The following ROCK2 variants were observed in gnomAD, a reference collection of about 807,000 sequenced individuals.
The protein encoded by ROCK2 is rho-associated protein kinase 2.
Under a neutral mutation model 195.1 loss-of-function variants are expected in ROCK2, and 61 were observed. The ratio of observed to expected loss-of-function variants is 0.31; its 90% confidence interval spans 0.25 to 0.39. The LOEUF is 0.39. Ranked by LOEUF, ROCK2 falls within the 10% of genes least tolerant of loss-of-function variation. The pLI, the probability that ROCK2 is intolerant of heterozygous loss-of-function variation, is 1.00. For synonymous variants in ROCK2, 504 were observed against 545.5 expected (o/e 0.92, Z 1.06); for missense variants, 1,109 against 1,637.4 (o/e 0.68, Z 5.57).
At chr2:11,336,627 T>C (rs543757926) in intron 1 of ROCK2, among the ~76,000 whole-genome samples, 7 of 152,236 alleles carry the variant, frequency 4.6e-5, no homozygotes, top group African/African-American at 1.2e-4. Flanking sequence ...ACTAAGGTGG[T>C]AGAAAAGCAA....
intron 1 of ROCK2, among the ~76,000 whole-genome samples, chr2:11,332,912 T>C (rs1436977460): frequency 6.6e-6 from 1 of 152,318 alleles, no homozygotes; most frequent in East Asian, 1.9e-4. Context: ...AGAAGCCAGG[T>C]AGAAATCACT....
chr2:11,298,525 G>C (rs915324151), intron 1 of ROCK2, among the ~76,000 whole-genome samples: 2 of 148,158 alleles, frequency 1.3e-5, no homozygotes, highest in African/African-American at 2.5e-5. Flanking sequence ...TTTAAAACCT[G>C]TTTGCCATCA....
At chr2:11,228,910 A>T (rs998876963) in intron 5 of ROCK2, among the ~76,000 whole-genome samples, 1 of 152,072 alleles carries the variant, frequency 6.6e-6, no homozygotes, top group Non-Finnish European at 1.5e-5. Flanking sequence ...GCTAGGGTTT[A>T]AAGGAGAGAG....
chr2:11,232,539 A>C (rs1443121629), intron 5 of ROCK2, among the ~76,000 whole-genome samples: 1 of 152,266 alleles, frequency 6.6e-6, no homozygotes, highest in African/African-American at 2.4e-5. Flanking sequence ...AAAAACTAAT[A>C]GAAAATTATA....
Position 11,197,503 on chromosome 2 carries a change from T to C in ROCK2, c.3279+23A>G. On this transcript the variant is annotated intron_variant, in intron 26 of 32. Transcript: ENST00000315872. This position sits in a 1 kb window ranked among gnomAD's most constrained non-coding sequence, Gnocchi z 4.9. ...ACTTCTTAAAAAGAAGTCTTCAGTC[T>C]AGAGTCCAAAAAGTATTCTTACTGC... is the stretch of plus-strand genomic sequence containing the variant. 6.2e-7 allele frequency: 1 copy of C among 1,605,822 alleles called. No individual in the cohort carries two copies. Among genetic ancestry groups the C allele is most frequent in the East Asian group, 2.2e-5 (1 of 44,794 alleles).
chr2:11,199,048 G>A (rs1663749379), intron 23 of ROCK2, among the ~76,000 whole-genome samples: 1 of 150,696 alleles, frequency 6.6e-6, no homozygotes, highest in Non-Finnish European at 1.5e-5. Flanking sequence ...TTACAGGCAT[G>A]CGCCACCACA....
At chr2:11,341,458 C>T (rs1669103166) in intron 1 of ROCK2, among the ~76,000 whole-genome samples, 1 of 152,148 alleles carries the variant, frequency 6.6e-6, no homozygotes, top group African/African-American at 2.4e-5. Context: ...TGTGATGTAC[C>T]AAGCACTAGG....
chr2:11,215,484 A>T, intron 14 of ROCK2, 26 bp downstream of exon 14: 1 of 1,607,502 alleles, frequency 6.2e-7, no homozygotes. Flanking sequence ...TTTCTTGATG[A>T]GTAATTAATA....
chr2:11,285,512 C>G (rs1008854596), intron 3 of ROCK2, among the ~76,000 whole-genome samples: 1 of 151,926 alleles, frequency 6.6e-6, no homozygotes, highest in African/African-American at 2.4e-5. Flanking sequence ...ATTGCACTAC[C>G]CTGATCTACA....
chr2:11,259,706 C>G (rs1219690621), intron 3 of ROCK2, among the ~76,000 whole-genome samples: 2 of 151,162 alleles, frequency 1.3e-5, no homozygotes, highest in Non-Finnish European at 2.9e-5. Flanking sequence ...AATAAGCAGT[C>G]CTATTTGGCA....
At chr2:11,191,151 G>C (rs2148028353) in intron 32 of ROCK2, among the ~76,000 whole-genome samples, 1 of 152,290 alleles carries the variant, frequency 6.6e-6, no homozygotes, top group East Asian at 1.9e-4. Context: ...CCTGAAATCA[G>C]ATACCTGATC....
intron 4 of ROCK2, among the ~76,000 whole-genome samples, chr2:11,240,062 C>G (rs1361157248): frequency 6.6e-6 from 1 of 152,218 alleles, no homozygotes; most frequent in African/African-American, 2.4e-5. Context: ...TGTTCACCAA[C>G]CAGTAAGCTC....
At chr2:11,339,397 T>C (rs1327614588) in intron 1 of ROCK2, among the ~76,000 whole-genome samples, 1 of 152,058 alleles carries the variant, frequency 6.6e-6, no homozygotes, top group East Asian at 1.9e-4. Context: ...TTTTCAACTC[T>C]ATCCATTATA....
At position 11,221,367 on chromosome 2, in the gene ROCK2, G is replaced by T; in HGVS notation, c.1100-10C>A. 1 of 1,517,270 alleles carries T rather than the reference G, an allele frequency of 6.6e-7. No homozygotes were observed. The highest frequency in any genetic ancestry group is 8.7e-7 in the Non-Finnish European group (1 of 1,143,556). The allele number at this position is 1,517,270 out of a possible 1,614,324, so 94.0% of individuals were successfully genotyped here. On this transcript the variant is annotated splice_polypyrimidine_tract_variant and intron_variant, in intron 8 of 32. Coordinates refer to ENST00000315872, the MANE Select transcript of ROCK2 (RefSeq NM_004850.5). ...ACTACAGGAGCTGCCGCTATTAAAA[G>T]AAAAGAAATAAATTATTTCATTCAC...
At chr2:11,211,580 G>T in intron 18 of ROCK2, 101 bp downstream of exon 18, 1 of 1,127,164 alleles carries the variant, frequency 8.9e-7, no homozygotes, top group Non-Finnish European at 1.2e-6. Context: ...CCCAATATTT[G>T]ACAATGAAAT....
chr2:11,181,296 CTAAT>C lies in ROCK2; in HGVS notation c.*2137_*2140del, dbSNP rs1201099361. Reference sequence around the variant, plus strand: ...TTAATTCAGTCTCCTTTTAACAACTCTAATGAATGGAAATATTTATTCTATATAA... The same window carrying C: ...TTAATTCAGTCTCCTTTTAACAACTCGAATGGAAATATTTATTCTATATAA... On this transcript the variant is annotated 3_prime_UTR_variant, in exon 33 of 33. Coordinates refer to ENST00000315872, the MANE Select transcript of ROCK2 (RefSeq NM_004850.5). 2 of 149,888 alleles carry C rather than the reference CTAAT, an allele frequency of 1.3e-5. No individual in the cohort carries two copies. Among genetic ancestry groups the C allele is most frequent in the Admixed American group, 1.3e-4 (2 of 15,022 alleles). 9.3% of individuals were successfully genotyped at this position (149,888 alleles called of 1,614,324 possible). A position where few individuals can be genotyped will look rare whatever the true frequency, so the allele number is the denominator to read the frequency against.
Position 11,181,492 on chromosome 2 carries a change from G to T in ROCK2, c.*1945C>A, listed in dbSNP as rs1258633655. ...GTTAAGAATAACAAAACCAGTTTCA[G>T]TCTATCAGTAGGCCAGTAGCTACTC... On this transcript the variant is annotated 3_prime_UTR_variant, in exon 33 of 33. Transcript: ENST00000315872. The T allele has an allele frequency of 1.3e-5, 2 of 151,972 alleles. No homozygotes were observed. The highest frequency in any genetic ancestry group is 4.8e-5 in the African/African-American group (2 of 41,392). 9.4% of individuals were successfully genotyped at this position (151,972 alleles called of 1,614,324 possible).
chr2:11,203,937 T>C (rs1663955623), intron 20 of ROCK2, among the ~76,000 whole-genome samples: 2 of 152,224 alleles, frequency 1.3e-5, no homozygotes, highest in Admixed American at 1.3e-4. Context: ...CTTTCATTTA[T>C]ATGTAACTTT....
intron 3 of ROCK2, among the ~76,000 whole-genome samples, chr2:11,273,928 CA>C (rs34951428): frequency 0.051 from 5,482 of 107,944 alleles, 184 homozygotes; most frequent in Non-Finnish European, 0.068. Context: ...GACTCCATCT[CA>C]AAAAAAAAAA....
Sources: gnomAD v4.1 joint callset for allele counts (sites outside exome capture counted in the v4.1 genomes callset) on GRCh38, gnomAD v4.1.1 for gene constraint, Gnocchi (gnomAD v3.1) non-coding constraint, MANE v1.5 for transcripts, NCBI Gene and HGNC (gene_info 2026-07-23, HGNC 2026-07-21) for gene names.